Variants in BCAS3 observed in about 807,000 individuals in gnomAD.
The protein encoded by BCAS3 is BCAS4/BCAS3 fusion.
Under a neutral mutation model 116.1 loss-of-function variants are expected in BCAS3, and 53 were observed. That is an observed-to-expected ratio of 0.46 (90% CI 0.37 to 0.57). The LOEUF (loss-of-function observed/expected upper bound fraction) is 0.57. BCAS3 is among the 20% of genes least tolerant of loss of function. The pLI is 0.00. For synonymous variants in BCAS3, 391 were observed against 408.2 expected (o/e 0.96, Z 0.51); for missense variants, 917 against 1,165.4 (o/e 0.79, Z 3.10).
intron 10 of BCAS3, chr17:60,891,831 G>T: frequency 2.3e-6 from 1 of 433,080 alleles, no homozygotes. Context: ...AGTCCCCACT[G>T]CCTATTTCCA....
chr17:61,303,037 T>A (rs1464981983), intron 22 of BCAS3, among the ~76,000 whole-genome samples: 1 of 152,148 alleles, frequency 6.6e-6, no homozygotes, highest in Non-Finnish European at 1.5e-5. Flanking sequence ...AGACTGGCCA[T>A]GGAAGGGAAA....
intron 19 of BCAS3, among the ~76,000 whole-genome samples, chr17:61,067,720 AACAAAC>A (rs201265055): frequency 0.041 from 5,414 of 132,338 alleles, 307 homozygotes; most frequent in African/African-American, 0.17. Flanking sequence ...ATCTCAAACA[AACAAAC>A]AAAAAAAAAA....
chr17:61,191,611 T>A (rs1462922726), intron 22 of BCAS3, among the ~76,000 whole-genome samples: 1 of 151,334 alleles, frequency 6.6e-6, no homozygotes, highest in Non-Finnish European at 1.5e-5. Context: ...CCGTCTGTAC[T>A]AAAAATACAA....
At chr17:60,715,132 CTTTTTTTTT>C (rs200488032) in intron 5 of BCAS3, among the ~76,000 whole-genome samples, 3 of 125,414 alleles carry the variant, frequency 2.4e-5, no homozygotes, top group Non-Finnish European at 4.9e-5. Context: ...CTTTCTCTTT[CTTTTTTTTT>C]TTTTTTTTTT....
intron 7 of BCAS3, among the ~76,000 whole-genome samples, chr17:60,817,114 A>G (rs2049498214): frequency 6.6e-6 from 1 of 152,234 alleles, no homozygotes; most frequent in African/African-American, 2.4e-5. Flanking sequence ...AAAATTTAAC[A>G]TACTCTCTCT....
At chr17:61,191,714 G>T (rs1468845621) in intron 22 of BCAS3, among the ~76,000 whole-genome samples, 2 of 151,544 alleles carry the variant, frequency 1.3e-5, no homozygotes, top group African/African-American at 2.4e-5. Context: ...GGCAGAGCTT[G>T]CTGTGAGCCG....
intron 22 of BCAS3, among the ~76,000 whole-genome samples, chr17:61,263,779 A>T (rs2049428510): frequency 6.6e-6 from 1 of 152,240 alleles, no homozygotes; most frequent in Non-Finnish European, 1.5e-5. Flanking sequence ...TTTCAGAGAA[A>T]GACAGACAGT....
At chr17:61,115,510 T>C (rs1374377188) in intron 22 of BCAS3, among the ~76,000 whole-genome samples, 1 of 137,202 alleles carries the variant, frequency 7.3e-6, no homozygotes, top group African/African-American at 2.7e-5. Flanking sequence ...TCACTGGCCA[T>C]CAGAGAAATG....
chr17:60,891,813 C>A (rs9303431), intron 10 of BCAS3: 3 of 450,042 alleles, frequency 6.7e-6, no homozygotes, highest in Admixed American at 4.8e-5. Flanking sequence ...CTTCCCTCCC[C>A]CTTTTGGAGT....
At chr17:61,269,184 G>A (rs919427426) in intron 22 of BCAS3, among the ~76,000 whole-genome samples, 15 of 149,306 alleles carry the variant, frequency 1.0e-4, no homozygotes, top group African/African-American at 2.2e-4. Context: ...CTGTGATCTC[G>A]GCTCACCACA....
Position 61,124,075 on chromosome 17 carries a change from T to C in BCAS3, c.2425+39511T>C, listed in dbSNP as rs573606374. On this transcript the variant is annotated intron_variant, in intron 22 of 23. Transcript: ENST00000407086. This position sits in a 1 kb window ranked among gnomAD's most constrained non-coding sequence, Gnocchi z 4.6. The stretch of plus-strand genomic sequence containing the variant: ...TTCAAACTTGTATCTAGGAGAGAGA[T>C]ATATATATATACATATATATGTTTT... Among the ~76,000 whole-genome samples, 3 of 151,708 alleles carry C rather than the reference T, an allele frequency of 2.0e-5. No individual in the cohort carries two copies. The highest frequency in any genetic ancestry group is 4.4e-5 in the Non-Finnish European group (3 of 67,920).
At chr17:60,912,864 A>C (rs2145109776) in intron 12 of BCAS3, among the ~76,000 whole-genome samples, 1 of 152,230 alleles carries the variant, frequency 6.6e-6, no homozygotes, top group African/African-American at 2.4e-5. Flanking sequence ...CATCTGTTAA[A>C]GATCTAGCAT....
At position 61,044,176 on chromosome 17, in the gene BCAS3, G is replaced by A. The variant is rs188773215; in HGVS notation, c.2029+3284G>A. Among the ~76,000 whole-genome samples the A allele has an allele frequency of 6.6e-5, 10 of 151,906 alleles. No homozygotes were observed. In the East Asian group the frequency reaches 1.9e-3, roughly 29 times the overall value. On this transcript the variant is annotated intron_variant, in intron 19 of 23. Coordinates refer to ENST00000407086, the MANE Select transcript of BCAS3 (RefSeq NM_017679.5). ...AATATGCCTTAAGAGGTGGGGGCGC[G>A]GTGGCTCAGGCCTGTAATCCCAGCA... is the stretch of plus-strand genomic sequence containing the variant.
chr17:61,096,253 T>C (rs1198089423), intron 22 of BCAS3, among the ~76,000 whole-genome samples: 2 of 152,252 alleles, frequency 1.3e-5, no homozygotes, highest in African/African-American at 2.4e-5. Flanking sequence ...TTCTTTCTAT[T>C]ATTACATTTT....
intron 22 of BCAS3, among the ~76,000 whole-genome samples, chr17:61,298,293 A>G (rs2053118350): frequency 6.6e-6 from 1 of 152,102 alleles, no homozygotes; most frequent in East Asian, 1.9e-4. Flanking sequence ...TGCCACAGAG[A>G]CACTCACTAC....
At chr17:60,998,442 T>C (rs937567019) in intron 15 of BCAS3, among the ~76,000 whole-genome samples, 1 of 152,252 alleles carries the variant, frequency 6.6e-6, no homozygotes, top group Admixed American at 6.5e-5. Flanking sequence ...CCACAGGGAC[T>C]GAACTAGTTT....
chr17:61,150,472 C>T (rs754253370), intron 22 of BCAS3, among the ~76,000 whole-genome samples: 1 of 152,204 alleles, frequency 6.6e-6, no homozygotes, highest in Non-Finnish European at 1.5e-5. Context: ...CCACCACCCA[C>T]GTGCACTGAA....
In BCAS3 at chr17:61,140,443, G is replaced by C. The variant is rs1429222185; in HGVS notation, c.2425+55879G>C. On this transcript the variant is annotated intron_variant, in intron 22 of 23. Coordinates refer to ENST00000407086, the MANE Select transcript of BCAS3 (RefSeq NM_017679.5). The surrounding 1 kb of genome is among the most constrained non-coding windows in gnomAD (Gnocchi z 4.2). The stretch of plus-strand genomic sequence containing the variant: ...ACAAGAGATGGAAGGTTTTGAGTTG[G>C]GGAAAAGTATTCTGGCAGCAGGATT... Among the ~76,000 whole-genome samples the C allele has an allele frequency of 2.0e-5, 3 of 152,182 alleles. No individual in the cohort carries two copies. The East Asian group carries it at 5.8e-4, about 29-fold the overall frequency.
Position 61,244,135 on chromosome 17 carries a change from T to C in BCAS3, c.2426-124192T>C, listed in dbSNP as rs548416201. ...TTAAAGCATTTTTAAACCTCTTTTT[T>C]TAACTCAAGTAATACATATTTATTA... On this transcript the variant is annotated intron_variant, in intron 22 of 23. Transcript: ENST00000407086. This position sits in a 1 kb window ranked among gnomAD's most constrained non-coding sequence, Gnocchi z 4.9. Among the ~76,000 whole-genome samples, 6 of 152,256 alleles carry C rather than the reference T, an allele frequency of 3.9e-5. No individual in the cohort carries two copies. The highest frequency in any genetic ancestry group is 1.4e-4 in the African/African-American group (6 of 41,546).
Sources: gnomAD v4.1 joint callset for allele counts (sites outside exome capture counted in the v4.1 genomes callset) on GRCh38, gnomAD v4.1.1 for gene constraint, Gnocchi (gnomAD v3.1) non-coding constraint, MANE v1.5 for transcripts, NCBI Gene and HGNC (gene_info 2026-07-23, HGNC 2026-07-21) for gene names.